The following FLI1 variants were observed in gnomAD, a reference collection of about 807,000 sequenced individuals.
The protein encoded by FLI1 is Friend leukemia integration 1 transcription factor.
Under a neutral mutation model 53.1 loss-of-function variants are expected in FLI1, and 13 were observed. The observed-to-expected ratio is 0.24, with a 90% confidence interval of 0.16 to 0.39. The LOEUF (loss-of-function observed/expected upper bound fraction) is 0.39. Ranked by LOEUF, FLI1 falls within the 10% of genes least tolerant of loss-of-function variation. The pLI, the probability that FLI1 is intolerant of heterozygous loss-of-function variation, is 1.00. For missense variants in FLI1, 424 were observed against 600.5 expected, an observed-to-expected ratio of 0.71 and a Z score of 3.07; for synonymous variants, 244 against 236.7, an observed-to-expected ratio of 1.03 and a Z score of -0.28.
At position 128,743,818 on chromosome 11, in the gene FLI1, A is replaced by G. The variant is rs373236122; in HGVS notation, c.19-14297A>G. On this transcript the variant is annotated intron_variant, in intron 1 of 8. Coordinates refer to ENST00000527786, the MANE Select transcript of FLI1 (RefSeq NM_002017.5). ...AAGAAAACATCTCCAGGTAAACCCA[A>G]TGAAATGTTTTCTTTGGAGGACCAC... is the stretch of plus-strand genomic sequence containing the variant. Among the ~76,000 whole-genome samples, 15 of 152,360 alleles carry G rather than the reference A, an allele frequency of 9.8e-5. 1 individual carries two copies. In the South Asian group the frequency reaches 1.0e-3, roughly 11 times the overall value.
At chr11:128,790,066 A>ATTCGTG (rs200869159) in intron 5 of FLI1, among the ~76,000 whole-genome samples, 34,051 of 135,758 alleles carry the variant, frequency 0.25, 4,420 homozygotes, top group Non-Finnish European at 0.31. Flanking sequence ...GTGTGCATGC[A>ATTCGTG]TGCGTGTGTG....
Position 128,810,941 on chromosome 11 carries a change from C to A in FLI1, c.1312C>A (p.Arg438Ser). 1 of 1,614,040 alleles carries A rather than the reference C, an allele frequency of 6.2e-7. No homozygotes were observed. The highest frequency in any genetic ancestry group is 8.5e-7 in the Non-Finnish European group (1 of 1,179,898). The stretch of plus-strand genomic sequence containing the variant: ...AATCTACCCCAACCCCAACGTCCCC[C>A]GCCATCCTAACACCCACGTGCCTTC... ...GGIYPNPNVP[R>S]HPNTHVPSHL... Residue 438 changes from arginine (R) to serine (S), a missense_variant, in exon 9 of 9, where the codon CGC (arginine) becomes AGC (serine). Physicochemically the swap from Arg to Ser is moderately radical, Grantham distance 110. This residue lies in a region of FLI1 where 87 missense variants were observed against 100.0 expected (regional missense o/e 0.87). Transcript: ENST00000527786. The surrounding 1 kb of genome is among the most constrained non-coding windows in gnomAD (Gnocchi z 6.6).
At chr11:128,701,836 A>C (rs1444063469) in intron 1 of FLI1, among the ~76,000 whole-genome samples, 2 of 152,170 alleles carry the variant, frequency 1.3e-5, no homozygotes, top group Non-Finnish European at 2.9e-5. Context: ...GTGCCATGGG[A>C]GCTTTAACCT....
At chr11:128,746,157 C>G (rs1409186189) in intron 1 of FLI1, among the ~76,000 whole-genome samples, 1 of 152,120 alleles carries the variant, frequency 6.6e-6, no homozygotes, top group Non-Finnish European at 1.5e-5. Flanking sequence ...GTTTGCATTT[C>G]CCATCGGGCG....
At chr11:128,703,549 G>A (rs897179108) in intron 1 of FLI1, among the ~76,000 whole-genome samples, 3 of 152,058 alleles carry the variant, frequency 2.0e-5, no homozygotes, top group African/African-American at 7.2e-5. Flanking sequence ...AAAGCAAAAA[G>A]TTCCAAAATA....
intron 4 of FLI1, 113 bp downstream of exon 4, chr11:128,773,098 C>T (rs982044994): frequency 1.1e-5 from 11 of 975,026 alleles, no homozygotes; most frequent in Admixed American, 3.6e-5. Context: ...GGAGCAGCAT[C>T]GTGGGGCCTG....
intron 2 of FLI1, among the ~76,000 whole-genome samples, chr11:128,765,192 G>A (rs376212810): frequency 3.9e-5 from 6 of 152,166 alleles, no homozygotes; most frequent in East Asian, 1.9e-4. Context: ...CTTTCCCTTC[G>A]TCTAGGTGCC....
rs534771207 is a variant in FLI1 at position 128,801,565 on chromosome 11, G to T, written c.656-3801G>T. ...TGCCTCATACATAAATAGGTGGATTGTGGTCCACTCAGAGGGGACACAGGA... is the reference window on the plus strand; with the variant it reads ...TGCCTCATACATAAATAGGTGGATTTTGGTCCACTCAGAGGGGACACAGGA... On this transcript the variant is annotated intron_variant, in intron 5 of 8. Coordinates refer to ENST00000527786, the MANE Select transcript of FLI1 (RefSeq NM_002017.5). Among the ~76,000 whole-genome samples, 6 of 152,334 alleles carry T rather than the reference G, an allele frequency of 3.9e-5. No homozygotes were observed. In the South Asian group the frequency reaches 1.2e-3, roughly 32 times the overall value.
chr11:128,732,904 GAGA>G (rs1311748976), intron 1 of FLI1, among the ~76,000 whole-genome samples: 1 of 152,218 alleles, frequency 6.6e-6, no homozygotes, highest in East Asian at 1.9e-4. Flanking sequence ...ATCAGATCTA[GAGA>G]AGTAGAGTCC....
rs151166843 is a variant in FLI1 at position 128,798,407 on chromosome 11, G to A, written c.656-6959G>A. On this transcript the variant is annotated intron_variant, in intron 5 of 8. Transcript: ENST00000527786. ...TCCCAGGTTCAGCAGGGAGCCTCAC[G>A]TGGCCATGGCAAGGCTGTGCCCAGA... Among the ~76,000 whole-genome samples the A allele has an allele frequency of 3.4e-3, 511 of 152,310 alleles. 2 individuals carry two copies. Among genetic ancestry groups the A allele is most frequent in the African/African-American group, 0.012 (491 of 41,562 alleles).
chr11:128,746,726 G>A (rs1027182268), intron 1 of FLI1, among the ~76,000 whole-genome samples: 33 of 152,032 alleles, frequency 2.2e-4, no homozygotes, highest in Admixed American at 2.0e-3. Flanking sequence ...CACTCCCCAC[G>A]GAAGCTTTTC....
intron 2 of FLI1, among the ~76,000 whole-genome samples, chr11:128,766,751 G>A (rs566573836): frequency 9.2e-5 from 14 of 151,732 alleles, no homozygotes; most frequent in Admixed American, 2.0e-4. Context: ...CCGTTCCTGC[G>A]CCTGGCAGGG....
At chr11:128,747,568 A>G (rs1940452413) in intron 1 of FLI1, among the ~76,000 whole-genome samples, 1 of 152,204 alleles carries the variant, frequency 6.6e-6, no homozygotes, top group Non-Finnish European at 1.5e-5. Flanking sequence ...AGAAGAGAAC[A>G]TCTAAGCTGC....
intron 1 of FLI1, among the ~76,000 whole-genome samples, chr11:128,737,746 A>G (rs527360355): frequency 6.6e-6 from 1 of 152,288 alleles, no homozygotes; most frequent in South Asian, 2.1e-4. Flanking sequence ...GCCTTAGGAA[A>G]TGTTCTTTTG....
chr11:128,744,818 T>G (rs1940306280), intron 1 of FLI1, among the ~76,000 whole-genome samples: 1 of 152,112 alleles, frequency 6.6e-6, no homozygotes, highest in African/African-American at 2.4e-5. Flanking sequence ...GTAGGAGAGA[T>G]AGAACATAAA....
intron 1 of FLI1, among the ~76,000 whole-genome samples, chr11:128,726,553 C>A (rs1939491774): frequency 6.7e-6 from 1 of 150,304 alleles, no homozygotes. Flanking sequence ...TACCCCCACC[C>A]CCGCCTAAGC....
chr11:128,730,417 G>A (rs1939647653), intron 1 of FLI1, among the ~76,000 whole-genome samples: 1 of 152,206 alleles, frequency 6.6e-6, no homozygotes, highest in Admixed American at 6.5e-5. Flanking sequence ...GAAGAGCTGG[G>A]TAAGGAGCAA....
At chr11:128,708,509 A>C (rs888470652) in intron 1 of FLI1, among the ~76,000 whole-genome samples, 1 of 152,008 alleles carries the variant, frequency 6.6e-6, no homozygotes, top group Non-Finnish European at 1.5e-5. Context: ...GGGTAGTCTG[A>C]GTTCTGTACC....
intron 5 of FLI1, among the ~76,000 whole-genome samples, chr11:128,782,558 T>G (rs638036): frequency 6.6e-6 from 1 of 151,694 alleles, no homozygotes; most frequent in East Asian, 1.9e-4. Context: ...ATTAGCCAGG[T>G]GTGGTGGCAG....
Sources: gnomAD v4.1 joint callset for allele counts (sites outside exome capture counted in the v4.1 genomes callset) on GRCh38, gnomAD v4.1.1 for gene constraint, gnomAD v4.1.1 regional missense constraint, Gnocchi (gnomAD v3.1) non-coding constraint, MANE v1.5 for transcripts, NCBI Gene and HGNC (gene_info 2026-07-23, HGNC 2026-07-21) for gene names.